The following VBP1 variants were observed in gnomAD, a reference collection of about 807,000 sequenced individuals.
The protein encoded by VBP1 is prefoldin subunit 3.
A neutral mutation model predicts 15.5 loss-of-function variants in VBP1; 4 were observed. The ratio of observed to expected loss-of-function variants is 0.26; its 90% CI spans 0.13 to 0.59. The LOEUF is 0.59. VBP1 is among the 20% of genes least tolerant of loss of function. The probability of loss-of-function intolerance (pLI) is 0.90; values close to 1 mark genes in which losing one functional copy is unlikely to be tolerated. For missense variants in VBP1, 108 were observed against 139.6 expected, an observed-to-expected ratio of 0.77 and a Z score of 1.14; for synonymous variants, 61 against 52.1, an observed-to-expected ratio of 1.17 and a Z score of -0.74.
chrX:155,237,903 GTTGTTTA>G (rs1557311795), intron 5 of VBP1, among the ~76,000 whole-genome samples: 1 of 111,757 alleles, frequency 8.9e-6, no homozygotes, highest in Non-Finnish European at 1.9e-5. Flanking sequence ...GCATGTGGCA[GTTGTTTA>G]TGGTTGGCTG....
Position 155,228,536 on chromosome X carries a change from G to C in VBP1, c.384+54G>C. The stretch of plus-strand genomic sequence containing the variant: ...ATATTTGTAAACCAGTGTGTTTTCT[G>C]TAGCAAACACACTGGTTTTGCTAGT... On this transcript the variant is annotated intron_variant, in intron 4 of 5. Coordinates refer to ENST00000286428, the MANE Select transcript of VBP1 (RefSeq NM_003372.7). The C allele has an allele frequency of 4.0e-6, 4 of 990,964 alleles. No homozygotes were observed. In the Admixed American group the frequency reaches 7.5e-5, roughly 19 times the overall value. The allele number at this position is 990,964 out of a possible 1,213,427, so 81.7% of individuals were successfully genotyped here. A position where few individuals can be genotyped will look rare whatever the true frequency, so the allele number is the denominator to read the frequency against.
rs1373358750 is a variant in VBP1 at position 155,200,319 on chromosome X, C to G, written c.-31+3180C>G. ...AACAGAATATACATTTTTTTCAGCA[C>G]CACACCACACCTATTCCAAAATTGA... On this transcript the variant is annotated intron_variant, in intron 1 of 6. Transcript: ENST00000535916. 2.9e-5 allele frequency among the ~76,000 whole-genome samples: 3 copies of G among 104,995 alleles called. No individual in the cohort carries two copies. In the East Asian group the frequency reaches 9.0e-4, roughly 31 times the overall value. 91.2% of individuals were successfully genotyped at this position (104,995 alleles called of 115,157 possible).
intron 4 of VBP1, among the ~76,000 whole-genome samples, chrX:155,233,977 C>G (rs782245515): frequency 9.0e-6 from 1 of 110,572 alleles, no homozygotes; most frequent in South Asian, 3.8e-4. Flanking sequence ...GAAATAGAAC[C>G]AGTAGGATAT....
chrX:155,206,335 G>A (rs1379578426), intron 1 of VBP1, among the ~76,000 whole-genome samples: 3 of 109,531 alleles, frequency 2.7e-5, no homozygotes, highest in Admixed American at 2.0e-4. Flanking sequence ...TTGGGTTCAC[G>A]CCATTCTCCT....
At chrX:155,229,315 C>T (rs1262707199) in intron 4 of VBP1, among the ~76,000 whole-genome samples, 1 of 112,487 alleles carries the variant, frequency 8.9e-6, no homozygotes, top group Non-Finnish European at 1.9e-5. Flanking sequence ...CCTGAGTGTC[C>T]AAGGATTCAA....
chrX:155,229,574 C>T (rs1197254958), intron 4 of VBP1, among the ~76,000 whole-genome samples: 2 of 112,206 alleles, frequency 1.8e-5, no homozygotes, highest in Non-Finnish European at 3.8e-5. Flanking sequence ...TTTCCTCTGG[C>T]TGCTTCCCCA....
At chrX:155,209,001 GC>G (rs1209810604) in intron 2 of VBP1, 2 of 1,143,310 alleles carry the variant, frequency 1.7e-6, no homozygotes, top group Non-Finnish European at 2.3e-6. Context: ...GGCTGTTGTT[GC>G]TAAGGGCCTT....
chrX:155,223,825 G>A (rs1322738771), intron 2 of VBP1, among the ~76,000 whole-genome samples: 2 of 108,318 alleles, frequency 1.8e-5, no homozygotes, highest in Non-Finnish European at 3.9e-5. Flanking sequence ...CCGGGCGGGG[G>A]CTGCCCCCCA....
chrX:155,213,921 C>T (rs953072572), upstream of VBP1, among the ~76,000 whole-genome samples: 1 of 112,195 alleles, frequency 8.9e-6, no homozygotes, highest in African/African-American at 3.2e-5. Context: ...CCTCCCAACT[C>T]GACATGGATT....
At chrX:155,197,613 T>G (rs1377532770) in intron 1 of VBP1, among the ~76,000 whole-genome samples, 4 of 111,467 alleles carry the variant, frequency 3.6e-5, no homozygotes, top group Non-Finnish European at 7.6e-5. Context: ...TATTAGAAAA[T>G]TTTGAGAGCT....
chrX:155,206,779 C>T (rs150811257), intron 1 of VBP1, among the ~76,000 whole-genome samples: 334 of 111,001 alleles, frequency 3.0e-3, no homozygotes, highest in African/African-American at 0.01. Context: ...CTCTCCCTTC[C>T]TAGAGTTAGA....
intron 2 of VBP1, among the ~76,000 whole-genome samples, chrX:155,210,897 T>TGAAATTTC (rs1557308469): frequency 8.9e-6 from 1 of 112,056 alleles, no homozygotes; most frequent in Non-Finnish European, 1.9e-5. Context: ...TCATCAAGTA[T>TGAAATTTC]TCTGGTCTCT....
intron 2 of VBP1, among the ~76,000 whole-genome samples, chrX:155,221,182 A>T (rs1469471012): frequency 9.1e-6 from 1 of 110,469 alleles, no homozygotes; most frequent in Admixed American, 9.6e-5. Context: ...ATACAAATAA[A>T]TTAGCCAGAC....
intron 1 of VBP1, among the ~76,000 whole-genome samples, chrX:155,199,656 G>A (rs1314046282): frequency 8.9e-6 from 1 of 111,988 alleles, no homozygotes; most frequent in Non-Finnish European, 1.9e-5. Context: ...GCAAAAACAT[G>A]CCAAATTGTA....
At chrX:155,210,688 T>G (rs1413553439) in intron 2 of VBP1, among the ~76,000 whole-genome samples, 4 of 111,925 alleles carry the variant, frequency 3.6e-5, no homozygotes, top group African/African-American at 1.3e-4. Context: ...TTCGCTTCCT[T>G]CCTGTCCTCA....
At chrX:155,204,164 T>C (rs1380290612) in intron 1 of VBP1, among the ~76,000 whole-genome samples, 1 of 111,450 alleles carries the variant, frequency 9.0e-6, no homozygotes, top group Non-Finnish European at 1.9e-5. Context: ...GAAAACATTT[T>C]TTTTTTGAGA....
At chrX:155,224,408 C>G (rs915342882) in intron 2 of VBP1, among the ~76,000 whole-genome samples, 5 of 112,411 alleles carry the variant, frequency 4.4e-5, no homozygotes. Flanking sequence ...GAGACCAGCC[C>G]GGCCAACACA....
chrX:155,228,328 C>T (rs1165476325), intron 3 of VBP1, 56 bp from the exon 4 acceptor site: 1 of 944,045 alleles, frequency 1.1e-6, no homozygotes, highest in Non-Finnish European at 1.5e-6. Context: ...TCCTTTATAA[C>T]CTTGGTATCA....
intron 1 of VBP1, among the ~76,000 whole-genome samples, chrX:155,198,094 C>T (rs1219272060): frequency 8.9e-6 from 1 of 112,737 alleles, no homozygotes; most frequent in African/African-American, 3.2e-5. Context: ...CTTAGGTAAA[C>T]AAAGCAGCCA....
Sources: gnomAD v4.1 joint callset for allele counts (sites outside exome capture counted in the v4.1 genomes callset) on GRCh38, gnomAD v4.1.1 for gene constraint, MANE v1.5 for transcripts, NCBI Gene and HGNC (gene_info 2026-07-23, HGNC 2026-07-21) for gene names.